IKZF3: variants seen among roughly 807,000 people sequenced by gnomAD.
IKZF3 encodes zinc finger protein Aiolos.
A neutral mutation model predicts 49.0 loss-of-function variants in IKZF3; 10 were observed. That is an observed-to-expected ratio of 0.20 (90% CI 0.13 to 0.35). IKZF3 has a LOEUF of 0.35. IKZF3 is among the 10% of genes least tolerant of loss of function. IKZF3 has a pLI of 1.00. For missense variants in IKZF3, 498 were observed against 664.8 expected, an observed-to-expected ratio of 0.75 and a Z score of 2.76; for synonymous variants, 209 against 228.2, an observed-to-expected ratio of 0.92 and a Z score of 0.76.
At chr17:39,829,162 A>C (rs561963155) in intron 3 of IKZF3, among the ~76,000 whole-genome samples, 1 of 152,352 alleles carries the variant, frequency 6.6e-6, no homozygotes, top group African/African-American at 2.4e-5. Flanking sequence ...ATCATGTTTT[A>C]AGTGAAGTTA....
chr17:39,862,968 G>C (rs565928214), intron 1 of IKZF3, among the ~76,000 whole-genome samples: 1 of 151,936 alleles, frequency 6.6e-6, no homozygotes, highest in Non-Finnish European at 1.5e-5. Flanking sequence ...GTATGGTTAC[G>C]GCTAGGAAAA....
intron 6 of IKZF3, among the ~76,000 whole-genome samples, chr17:39,782,275 T>C (rs1170147744): frequency 2.0e-5 from 3 of 152,106 alleles, no homozygotes; most frequent in Non-Finnish European, 1.5e-5. Context: ...CCAGGTTCCA[T>C]GGTTTGCGCC....
intron 1 of IKZF3, among the ~76,000 whole-genome samples, chr17:39,855,970 T>C (rs556604485): frequency 2.2e-4 from 33 of 151,368 alleles, no homozygotes; most frequent in African/African-American, 4.6e-4. Flanking sequence ...GTATATTGTA[T>C]ATGTACAATA....
At chr17:39,825,961 G>A (rs986283130) in intron 3 of IKZF3, among the ~76,000 whole-genome samples, 1 of 152,132 alleles carries the variant, frequency 6.6e-6, no homozygotes, top group African/African-American at 2.4e-5. Context: ...ACTATGTGAG[G>A]AGCTGCTGGA....
At position 39,791,597 on chromosome 17, in the gene IKZF3, A is replaced by C; in HGVS notation, c.425-14T>G. The C allele has an allele frequency of 6.2e-7, 1 of 1,613,362 alleles. No homozygotes were observed. Among genetic ancestry groups the C allele is most frequent in the South Asian group, 1.1e-5 (1 of 91,052 alleles). ...ATGGGCGTTCACCTTTAAAAAGGAC[A>C]AAAAAGGAGATTTCTGGTCACAGGC... On this transcript the variant is annotated splice_polypyrimidine_tract_variant and intron_variant, in intron 4 of 7. Coordinates refer to ENST00000346872, the MANE Select transcript of IKZF3 (RefSeq NM_012481.5).
chr17:39,845,698 T>C (rs1032029818), intron 1 of IKZF3, among the ~76,000 whole-genome samples: 5 of 152,192 alleles, frequency 3.3e-5, no homozygotes, highest in African/African-American at 9.7e-5. Flanking sequence ...AAAAAGCTTA[T>C]GGAGCCCTGT....
intron 6 of IKZF3, among the ~76,000 whole-genome samples, chr17:39,783,883 C>T (rs1368013670): frequency 6.6e-6 from 1 of 152,024 alleles, no homozygotes; most frequent in Non-Finnish European, 1.5e-5. Context: ...GAGCTGAGAT[C>T]GTGCCACTGC....
rs1389748024 is a variant in IKZF3, at chr17:39,762,562, T to A, written c.*3228A>T. ...AAAAAGAGTCCCCAGGCTGGTGGAATGGGCCTTGGTTTCACAATCTTGAGA... is the reference window on the plus strand; with the variant it reads ...AAAAAGAGTCCCCAGGCTGGTGGAAAGGGCCTTGGTTTCACAATCTTGAGA... On this transcript the variant is annotated 3_prime_UTR_variant, in exon 8 of 8. Coordinates refer to ENST00000346872, the MANE Select transcript of IKZF3 (RefSeq NM_012481.5). The A allele has an allele frequency of 1.3e-5, 2 of 152,228 alleles. No individual in the cohort carries two copies. The highest frequency in any genetic ancestry group is 1.3e-4 in the Admixed American group (2 of 15,282). 9.4% of individuals were successfully genotyped at this position (152,228 alleles called of 1,614,324 possible). A position where few individuals can be genotyped will look rare whatever the true frequency, so the allele number is the denominator to read the frequency against.
At chr17:39,797,334 T>A (rs894146913) in intron 3 of IKZF3, among the ~76,000 whole-genome samples, 1 of 152,142 alleles carries the variant, frequency 6.6e-6, no homozygotes, top group Non-Finnish European at 1.5e-5. Context: ...CCTTTTTGTA[T>A]GCCACTCTCT....
intron 1 of IKZF3, among the ~76,000 whole-genome samples, chr17:39,851,319 G>A (rs528074746): frequency 5.3e-5 from 8 of 152,072 alleles, no homozygotes; most frequent in South Asian, 4.2e-4. Context: ...GTGAGCCAGC[G>A]TGCCTGGCCA....
Position 39,768,936 on chromosome 17 carries a change from C to A in IKZF3, c.827-2443G>T, listed in dbSNP as rs1298050321. Among the ~76,000 whole-genome samples, 12 of 152,274 alleles carry A rather than the reference C, an allele frequency of 7.9e-5. No homozygotes were observed. The East Asian group carries it at 2.1e-3, about 27-fold the overall frequency. On this transcript the variant is annotated intron_variant, in intron 7 of 7. Coordinates refer to ENST00000346872, the MANE Select transcript of IKZF3 (RefSeq NM_012481.5). ...TGTGAGTACTTGGAGACTAAGATCC[C>A]TTCCCCCTTTGTTAAAAACAGAGAT...
At chr17:39,850,992 AT>A (rs1317457884) in intron 1 of IKZF3, among the ~76,000 whole-genome samples, 3 of 143,718 alleles carry the variant, frequency 2.1e-5, no homozygotes, top group African/African-American at 7.7e-5. Context: ...ATATGTGTAT[AT>A]TATATACATG....
At chr17:39,774,263 T>C (rs2060520435) in intron 7 of IKZF3, among the ~76,000 whole-genome samples, 1 of 152,150 alleles carries the variant, frequency 6.6e-6, no homozygotes. Flanking sequence ...AGGGAATGAC[T>C]CACTCTTCCT....
intron 1 of IKZF3, among the ~76,000 whole-genome samples, chr17:39,861,281 G>A (rs921692918): frequency 6.6e-6 from 1 of 152,152 alleles, no homozygotes; most frequent in African/African-American, 2.4e-5. Flanking sequence ...CTTAGCTGAG[G>A]TGAAGGAACA....
At chr17:39,798,340 A>G (rs1226406784) in intron 3 of IKZF3, among the ~76,000 whole-genome samples, 1 of 152,190 alleles carries the variant, frequency 6.6e-6, no homozygotes, top group Non-Finnish European at 1.5e-5. Flanking sequence ...AAACTCAGAA[A>G]CAAATAATTT....
chr17:39,793,498 C>T (rs2061082288), intron 3 of IKZF3, among the ~76,000 whole-genome samples: 1 of 152,200 alleles, frequency 6.6e-6, no homozygotes, highest in African/African-American at 2.4e-5. Context: ...CTCTGTCTCT[C>T]TTGGAGCTGA....
At position 39,792,952 on chromosome 17, in the gene IKZF3, A is replaced by G. The variant is rs1200351912; in HGVS notation, c.164-19T>C. 15 of 1,609,774 alleles carry G rather than the reference A, an allele frequency of 9.3e-6. No individual in the cohort carries two copies. Among genetic ancestry groups the G allele is most frequent in the Non-Finnish European group, 1.3e-5 (15 of 1,178,120 alleles). Reference sequence around the variant, plus strand: ...GAATCATCTGCAGGGAAGAAAATGCAAGAAATGAACAACGACTATACTTGA... The same window carrying G: ...GAATCATCTGCAGGGAAGAAAATGCGAGAAATGAACAACGACTATACTTGA... On this transcript the variant is annotated intron_variant, in intron 3 of 7. Transcript: ENST00000346872.
chr17:39,827,101 A>C (rs1020895120), intron 3 of IKZF3, among the ~76,000 whole-genome samples: 4 of 151,330 alleles, frequency 2.6e-5, no homozygotes, highest in Admixed American at 1.3e-4. Context: ...GAGTCCAAGC[A>C]ATTCTCCTGC....
At chr17:39,861,055 A>G (rs2063201746) in intron 1 of IKZF3, among the ~76,000 whole-genome samples, 1 of 150,972 alleles carries the variant, frequency 6.6e-6, no homozygotes, top group Admixed American at 6.6e-5. Context: ...ATCACAATAA[A>G]CATAATAAAA....
Sources: gnomAD v4.1 joint callset for allele counts (sites outside exome capture counted in the v4.1 genomes callset) on GRCh38, gnomAD v4.1.1 for gene constraint, MANE v1.5 for transcripts, NCBI Gene and HGNC (gene_info 2026-07-23, HGNC 2026-07-21) for gene names.